The following BICRA variants were observed in gnomAD, a reference collection of about 807,000 sequenced individuals.
The protein encoded by BICRA is BRD4-interacting chromatin-remodeling complex-associated protein.
A neutral mutation model predicts 96.9 loss-of-function variants in BICRA; 31 were observed. The observed-to-expected ratio is 0.32, with a 90% CI of 0.24 to 0.43. The LOEUF is 0.43. Among genes scored for constraint, BICRA ranks in the 20% least tolerant of loss-of-function variants. The pLI is 1.00. For synonymous variants in BICRA, 1,350 were observed against 1,071.8 expected, an observed-to-expected ratio of 1.26 and a Z score of -5.07; for missense variants, 2,283 against 2,190.3, an observed-to-expected ratio of 1.04 and a Z score of -0.84.
At chr19:47,619,519 G>T (rs1417469057) in intron 1 of BICRA, among the ~76,000 whole-genome samples, 1 of 151,996 alleles carries the variant, frequency 6.6e-6, no homozygotes, top group African/African-American at 2.4e-5. Flanking sequence ...TTGGCTTCCC[G>T]AAGTGCTGGG....
chr19:47,682,036 A>G lies in BICRA; in HGVS notation c.2167A>G (p.Ile723Val), dbSNP rs1295927175. 1.3e-6 allele frequency: 2 copies of G among 1,564,416 alleles called. No homozygotes were observed. The highest frequency in any genetic ancestry group is 1.7e-6 in the Non-Finnish European group (2 of 1,156,848). Residue 723 changes from isoleucine (I) to valine (V), a missense_variant, in exon 7 of 15, where the codon ATA (isoleucine) becomes GTA (valine). By Grantham distance (29) the Ile-to-Val change is conservative (BLOSUM62 3). Transcript: ENST00000594866. ...GPHLSVPASVIVSAPPPAQDP... is the reference protein window; with the variant it reads ...GPHLSVPASVVVSAPPPAQDP... ...CCACCTCTCCGTGCCTGCCTCGGTCATAGTCAGCGCCCCGCCTCCCGCCCA... is the reference window on the plus strand; with the variant it reads ...CCACCTCTCCGTGCCTGCCTCGGTCGTAGTCAGCGCCCCGCCTCCCGCCCA...
At chr19:47,696,751 G>A (rs530021919) in intron 11 of BICRA, among the ~76,000 whole-genome samples, 2 of 152,206 alleles carry the variant, frequency 1.3e-5, no homozygotes, top group African/African-American at 2.4e-5. Context: ...TCAGGAGGGC[G>A]GCAGTTTGGT....
At chr19:47,613,777 G>C (rs1381859012) in intron 1 of BICRA, among the ~76,000 whole-genome samples, 1 of 151,892 alleles carries the variant, frequency 6.6e-6, no homozygotes, top group East Asian at 1.9e-4. Flanking sequence ...CCTCTGCCTG[G>C]AGTACCACCA....
intron 1 of BICRA, among the ~76,000 whole-genome samples, chr19:47,642,063 A>G (rs553050116): frequency 2.0e-5 from 3 of 152,320 alleles, no homozygotes; most frequent in African/African-American, 7.2e-5. Flanking sequence ...TGCAATTTCA[A>G]TTTGTCTGTT....
chr19:47,614,642 A>G (rs115136059), intron 1 of BICRA, among the ~76,000 whole-genome samples: 1,692 of 152,366 alleles, frequency 0.011, 23 homozygotes, highest in African/African-American at 0.038. Flanking sequence ...CAAACAGACA[A>G]ACAAAAAACT....
chr19:47,692,006 G>A (rs1235084015), intron 7 of BICRA, among the ~76,000 whole-genome samples: 1 of 152,092 alleles, frequency 6.6e-6, no homozygotes, highest in African/African-American at 2.4e-5. Flanking sequence ...ACTTTACCAG[G>A]TGCCCAGGGA....
chr19:47,629,483 G>A (rs959699402), intron 1 of BICRA, among the ~76,000 whole-genome samples: 1 of 152,116 alleles, frequency 6.6e-6, no homozygotes, highest in African/African-American at 2.4e-5. Context: ...AGGCTTATTC[G>A]TGGTGTGGCA....
At chr19:47,635,441 C>T (rs915418184) in intron 1 of BICRA, among the ~76,000 whole-genome samples, 2 of 151,682 alleles carry the variant, frequency 1.3e-5, no homozygotes, top group Admixed American at 1.3e-4. Context: ...TTTGTAGAGA[C>T]AGGGTCTCAC....
At chr19:47,672,152 T>G (rs1972875979) in intron 2 of BICRA, among the ~76,000 whole-genome samples, 2 of 118,114 alleles carry the variant, frequency 1.7e-5, no homozygotes, top group African/African-American at 3.4e-5. Context: ...GGATGGAGCA[T>G]GGGTAGGTAG....
chr19:47,631,088 T>C (rs930877573), intron 1 of BICRA, among the ~76,000 whole-genome samples: 3 of 151,902 alleles, frequency 2.0e-5, no homozygotes, highest in Non-Finnish European at 4.4e-5. Flanking sequence ...TGAGACAGAG[T>C]CTGACTCTTT....
rs1029542259 is a variant in BICRA at position 47,702,130 on chromosome 19, G to A, written c.4398G>A (p.Ala1466=). The A allele has an allele frequency of 1.2e-5, 18 of 1,533,560 alleles. No individual in the cohort carries two copies. Among genetic ancestry groups the A allele is most frequent in the East Asian group, 2.5e-5 (1 of 39,722 alleles). 95.0% of individuals were successfully genotyped at this position (1,533,560 alleles called of 1,614,324 possible). Residue 1466 remains alanine, a synonymous_variant, in exon 15 of 15, where the codon GCG becomes GCA. Coordinates refer to ENST00000594866, the MANE Select transcript of BICRA (RefSeq NM_001394372.1). The stretch of plus-strand genomic sequence containing the variant: ...GCACCGGGGACCCCGACTGGGAGGC[G>A]CCCGGGCTGCCCCCTGCCAAGCGGC... ...AQGTGDPDWE[A]PGLPPAKRRK... is the part of the protein sequence containing the mutation.
intron 9 of BICRA, 79 bp from the exon 10 acceptor site, chr19:47,695,286 A>G (rs1973318313): frequency 3.7e-6 from 3 of 807,784 alleles, no homozygotes; most frequent in Non-Finnish European, 6.2e-6. Flanking sequence ...GGTGGGGTAC[A>G]GGATGGGGCT....
At chr19:47,626,706 C>G (rs1972145271) in intron 1 of BICRA, among the ~76,000 whole-genome samples, 1 of 141,902 alleles carries the variant, frequency 7.0e-6, no homozygotes, top group South Asian at 2.2e-4. Context: ...CCACGTCCAG[C>G]TGCATCCTGG....
chr19:47,647,648 TGTA>T (rs1001032841), intron 1 of BICRA, among the ~76,000 whole-genome samples: 1 of 152,074 alleles, frequency 6.6e-6, no homozygotes, highest in African/African-American at 2.4e-5. Flanking sequence ...TGCATGTTCT[TGTA>T]GAATCCTCCT....
intron 1 of BICRA, among the ~76,000 whole-genome samples, chr19:47,612,537 C>T (rs1168722494): frequency 5.9e-5 from 9 of 152,216 alleles, no homozygotes; most frequent in Admixed American, 5.9e-4. Context: ...CAGTGACACG[C>T]ACCCTCTGAG....
chr19:47,619,238 T>TC (rs1972028815), intron 1 of BICRA, among the ~76,000 whole-genome samples: 1 of 150,198 alleles, frequency 6.7e-6, no homozygotes, highest in Admixed American at 6.7e-5. Context: ...AACCCCTTTT[T>TC]TTTTTCCTTT....
chr19:47,680,299 A>G lies in BICRA; in HGVS notation c.1129A>G (p.Thr377Ala). The G allele has an allele frequency of 6.4e-7, 1 of 1,554,522 alleles. No individual in the cohort carries two copies. The highest frequency in any genetic ancestry group is 8.6e-7 in the Non-Finnish European group (1 of 1,158,806). Residue 377 changes from threonine (T) to alanine (A), a missense_variant, in exon 6 of 15, where the codon ACG (threonine) becomes GCG (alanine). Transcript: ENST00000594866. ...CAAGCCGTTTGCGCCCGCGGGCGCC[A>G]CGCTCACCATCCAGGGCGAGCCGGG... is the stretch of plus-strand genomic sequence containing the variant. The part of the protein sequence containing the change: ...TPKPFAPAGA[T>A]LTIQGEPGAL...
Position 47,610,616 on chromosome 19 carries a change from CCCA to C in BICRA, c.-108+1450_-108+1452del, listed in dbSNP as rs1221731469. 1.0e-3 allele frequency among the ~76,000 whole-genome samples: 147 copies of C among 142,120 alleles called. 1 individual carries two copies. The highest frequency in any genetic ancestry group is 4.0e-3 in the African/African-American group (136 of 33,926). 93.2% of individuals were successfully genotyped at this position (142,120 alleles called of 152,430 possible). On this transcript the variant is annotated intron_variant, in intron 1 of 14. Coordinates refer to ENST00000594866, the MANE Select transcript of BICRA (RefSeq NM_001394372.1). ...CATCGTCCCCTTTTGTCACCCCCCC[CCCA>C]CACACACACCTACCTACCCACCCCA...
At position 47,702,303 on chromosome 19, in the gene BICRA, C is replaced by G; in HGVS notation, c.4571C>G (p.Pro1524Arg). The G allele has an allele frequency of 6.3e-7, 1 of 1,583,084 alleles. No homozygotes were observed. The highest frequency in any genetic ancestry group is 8.5e-7 in the Non-Finnish European group (1 of 1,171,772). ...APGRTPAPSY[P>R]HAASAGTPAS... ...GGCCGGACGCCCGCGCCCTCGTACCCCCACGCTGCCTCGGCCGGCACCCCC... is the reference window on the plus strand; with the variant it reads ...GGCCGGACGCCCGCGCCCTCGTACCGCCACGCTGCCTCGGCCGGCACCCCC... The change falls in exon 15 of 15, where the codon CCC becomes CGC. Residue 1524 changes from proline (P) to arginine (R), a missense_variant. By Grantham distance (103) the Pro-to-Arg change is moderately radical. Coordinates refer to ENST00000594866, the MANE Select transcript of BICRA (RefSeq NM_001394372.1).
Sources: allele counts gnomAD v4.1 joint callset (sites outside exome capture counted in the v4.1 genomes callset), GRCh38; gene constraint gnomAD v4.1.1; transcripts MANE v1.5; gene names NCBI Gene and HGNC (gene_info 2026-07-23, HGNC 2026-07-21).